RNF17: variants seen among roughly 807,000 people sequenced by gnomAD.
RNF17 encodes the protein spermatogenesis associated 23.
A neutral mutation model predicts 200.5 loss-of-function variants in RNF17; 31 were observed. The observed-to-expected ratio is 0.15, with a 90% CI of 0.12 to 0.21. RNF17 has a LOEUF of 0.21. Among genes scored for constraint, RNF17 ranks in the 10% least tolerant of loss-of-function variants. The probability of loss-of-function intolerance (pLI) is 1.00; values close to 1 mark genes in which losing one functional copy is unlikely to be tolerated. For synonymous variants in RNF17, 606 were observed against 637.8 expected, an observed-to-expected ratio of 0.95 and a Z score of 0.75; for missense variants, 1,628 against 1,905.1, an observed-to-expected ratio of 0.85 and a Z score of 2.71.
intron 33 of RNF17, 72 bp downstream of exon 33, chr13:24,874,321 T>A (rs1894625089): frequency 7.4e-7 from 1 of 1,348,700 alleles, no homozygotes; most frequent in African/African-American, 1.5e-5. Flanking sequence ...GAGAATATTT[T>A]TGCCTCTTTT....
At position 24,830,557 on chromosome 13, in the gene RNF17, C is replaced by T. The variant is rs555174620; in HGVS notation, c.2319C>T (p.Asp773=). 76 of 1,611,040 alleles carry T rather than the reference C, an allele frequency of 4.7e-5. No individual in the cohort carries two copies. Among genetic ancestry groups the T allele is most frequent in the South Asian group, 2.9e-4 (26 of 90,462 alleles). ...ATACTGCAAAAATAACAATCAAAGA[C>T]GTGCGTAAAATAAAGGATGAGTTTC... ...FGNTAKITIK[D]VRKIKDEFLN... Residue 773 remains aspartate, a synonymous_variant, in exon 17 of 36, where the codon GAC becomes GAT. Coordinates refer to ENST00000255324, the MANE Select transcript of RNF17 (RefSeq NM_031277.3).
downstream of RNF17, chr13:24,883,941 T>G (rs542793674): frequency 6.2e-7 from 1 of 1,614,076 alleles, no homozygotes; most frequent in South Asian, 1.1e-5. Flanking sequence ...GTGGTTTTTC[T>G]GTGAACATAA....
downstream of RNF17, chr13:24,884,377 G>A (rs747581740): frequency 1.6e-5 from 26 of 1,613,998 alleles, no homozygotes; most frequent in Non-Finnish European, 2.1e-5. Flanking sequence ...AAGTGACAGT[G>A]ATGGTCTTCC....
At chr13:24,760,290 T>C (rs2137822361), upstream of RNF17, among the ~76,000 whole-genome samples, 1 of 152,302 alleles carries the variant, frequency 6.6e-6, no homozygotes, top group East Asian at 1.9e-4. Flanking sequence ...CTAGTCACAT[T>C]ATCCAACGGG....
At chr13:24,765,524 TG>T (rs1165461418) in intron 1 of RNF17, among the ~76,000 whole-genome samples, 3 of 152,214 alleles carry the variant, frequency 2.0e-5, no homozygotes, top group Non-Finnish European at 4.4e-5. Context: ...CAGAAAAAGT[TG>T]TGATTTCAGT....
At chr13:24,882,469 T>G (rs1953889244), downstream of RNF17, 1 of 145,758 alleles carries the variant, frequency 6.9e-6, no homozygotes, top group South Asian at 2.3e-4. Flanking sequence ...CTTGCTTCCA[T>G]GAGGCTACAG....
intron 11 of RNF17, among the ~76,000 whole-genome samples, chr13:24,797,700 CAA>C (rs1566146756): frequency 1.4e-4 from 4 of 27,758 alleles, no homozygotes; most frequent in East Asian, 1.1e-3. Flanking sequence ...GAGAGAGAGA[CAA>C]AGAGTGTGTG....
downstream of RNF17, chr13:24,883,123 C>A: frequency 7.0e-7 from 1 of 1,427,756 alleles, no homozygotes; most frequent in Non-Finnish European, 9.9e-7. Context: ...AGTAAATGTA[C>A]ATTTTTTAAC....
chr13:24,862,648 T>G, intron 27 of RNF17, 65 bp from the exon 28 acceptor site: 1 of 1,000,532 alleles, frequency 1.0e-6, no homozygotes, highest in South Asian at 1.3e-5. Flanking sequence ...TTGTGTATCT[T>G]AATTTGCTTC....
At chr13:24,881,190 A>G (rs1240818794), downstream of RNF17, among the ~76,000 whole-genome samples, 1 of 151,640 alleles carries the variant, frequency 6.6e-6, no homozygotes, top group African/African-American at 2.4e-5. Context: ...AGTCCCACTC[A>G]GGCTGGAGTG....
At chr13:24,884,906 C>A (rs1257325614), downstream of RNF17, among the ~76,000 whole-genome samples, 3 of 152,212 alleles carry the variant, frequency 2.0e-5, no homozygotes, top group African/African-American at 7.2e-5. Flanking sequence ...CTTTCTTCCT[C>A]ATTCCCTTTA....
At chr13:24,811,096 T>C (rs1190688662) in intron 15 of RNF17, among the ~76,000 whole-genome samples, 1 of 151,406 alleles carries the variant, frequency 6.6e-6, no homozygotes, top group African/African-American at 2.4e-5. Context: ...ATTTCCACTT[T>C]GGTGAATCTG....
At chr13:24,790,792 A>T (rs1289383713) in intron 9 of RNF17, among the ~76,000 whole-genome samples, 1 of 152,162 alleles carries the variant, frequency 6.6e-6, no homozygotes, top group Non-Finnish European at 1.5e-5. Context: ...CATAAAAGGG[A>T]CAAATAACTA....
chr13:24,872,718 T>TC (rs1242409417), intron 32 of RNF17, among the ~76,000 whole-genome samples: 2 of 152,158 alleles, frequency 1.3e-5, no homozygotes, highest in Non-Finnish European at 2.9e-5. Context: ...AAAACAGTGA[T>TC]CAGTTACTAG....
chr13:24,791,175 AG>A (rs971759998), intron 9 of RNF17, among the ~76,000 whole-genome samples: 32 of 152,296 alleles, frequency 2.1e-4, no homozygotes, highest in African/African-American at 6.7e-4. Context: ...TTGGCGTAAG[AG>A]GATGACAGTG....
chr13:24,870,717 T>C lies in RNF17; in HGVS notation c.4425T>C (p.Pro1475=). The C allele has an allele frequency of 6.2e-7, 1 of 1,613,968 alleles. No individual in the cohort carries two copies. Among genetic ancestry groups the C allele is most frequent in the Non-Finnish European group, 8.5e-7 (1 of 1,179,926 alleles). ...TTAATAAGAAGGTAGAGGCGCTTCC[T>C]CCTCTGACGGATTTTAGAACAGGTA... ...QRVNKKVEAL[P]PLTDFRTEMP... The change falls in exon 32 of 36, where the codon CCT becomes CCC. Residue 1475 remains proline, a synonymous_variant. Coordinates refer to ENST00000255324, the MANE Select transcript of RNF17 (RefSeq NM_031277.3).
At position 24,797,708 on chromosome 13, in the gene RNF17, G is replaced by T. The variant is rs7319352; in HGVS notation, c.1399+1413G>T. Among the ~76,000 whole-genome samples, 264 of 51,468 alleles carry T rather than the reference G, an allele frequency of 5.1e-3. 1 individual carries two copies. Among genetic ancestry groups the T allele is most frequent in the Middle Eastern group, 0.02 (2 of 98 alleles). 33.8% of individuals were successfully genotyped at this position (51,468 alleles called of 152,430 possible). ...AGAGAGAGAGAGAGAGACAAAGAGT[G>T]TGTGTGTGTGTGTGTGTGTGTGTGT... On this transcript the variant is annotated intron_variant, in intron 11 of 35. Coordinates refer to ENST00000255324, the MANE Select transcript of RNF17 (RefSeq NM_031277.3).
intron 15 of RNF17, among the ~76,000 whole-genome samples, chr13:24,815,997 C>T (rs1357430350): frequency 6.6e-6 from 1 of 152,192 alleles, no homozygotes; most frequent in African/African-American, 2.4e-5. Context: ...CAGACTCAAG[C>T]AGTCCTCCCG....
At chr13:24,857,914 A>G (rs1220842578) in intron 25 of RNF17, among the ~76,000 whole-genome samples, 3 of 152,216 alleles carry the variant, frequency 2.0e-5, no homozygotes, top group Non-Finnish European at 2.9e-5. Flanking sequence ...AAACTAAAAT[A>G]AATACAGAAG....
Sources: allele counts gnomAD v4.1 joint callset (sites outside exome capture counted in the v4.1 genomes callset), GRCh38; gene constraint gnomAD v4.1.1; transcripts MANE v1.5; gene names NCBI Gene and HGNC (gene_info 2026-07-23, HGNC 2026-07-21).